The following SMNDC1 variants were observed in gnomAD, a reference collection of about 807,000 sequenced individuals.
The protein encoded by SMNDC1 is survival motor neuron domain containing 1.
In SMNDC1, 5 loss-of-function variants were observed where a neutral mutation model predicts 29.2. That is an observed-to-expected ratio of 0.17 (90% confidence interval 0.09 to 0.36). SMNDC1 has a LOEUF of 0.36. SMNDC1 is among the 10% of genes least tolerant of loss of function. SMNDC1 has a pLI of 1.00. For synonymous variants in SMNDC1, 80 were observed against 89.9 expected, an observed-to-expected ratio of 0.89 and a Z score of 0.62; for missense variants, 142 against 268.5, an observed-to-expected ratio of 0.53 and a Z score of 3.29.
In SMNDC1 at chr10:110,301,261, A is replaced by AG. The variant is rs374308996; in HGVS notation, c.120+2206dup. Among the ~76,000 whole-genome samples, 618 of 141,116 alleles carry AG rather than the reference A, an allele frequency of 4.4e-3. 6 individuals are homozygous for AG. Among genetic ancestry groups the AG allele is most frequent in the African/African-American group, 0.014 (554 of 40,910 alleles). The allele number at this position is 141,116 out of a possible 152,430, so 92.6% of individuals were successfully genotyped here. A position where few individuals can be genotyped will look rare whatever the true frequency, so the allele number is the denominator to read the frequency against. ...CAGAGAAGGAAAAAGGAGGGGAATG[A>AG]GGGGGGGAACCCCACAGCAAAATAG... On this transcript the variant is annotated intron_variant, in intron 2 of 5. Coordinates refer to ENST00000369603, the MANE Select transcript of SMNDC1 (RefSeq NM_005871.4).
chr10:110,292,300 A>ACTT lies in SMNDC1; in HGVS notation c.*1847_*1849dup. On this transcript the variant is annotated 3_prime_UTR_variant, in exon 6 of 6. Transcript: ENST00000369603. The stretch of plus-strand genomic sequence containing the variant: ...TTTCAAAACATTTTTTTTTAAGGTC[A>ACTT]CTTTTATTCTTTTTCTCTCTCCTAC... 2 of 151,858 alleles carry ACTT rather than the reference A, an allele frequency of 1.3e-5. No homozygotes were observed. The highest frequency in any genetic ancestry group is 4.2e-4 in the South Asian group (2 of 4,794). 9.4% of individuals were successfully genotyped at this position (151,858 alleles called of 1,614,324 possible). A position where few individuals can be genotyped will look rare whatever the true frequency, so the allele number is the denominator to read the frequency against.
chr10:110,303,376 G>C, intron 2 of SMNDC1, 92 bp downstream of exon 2: 1 of 1,147,612 alleles, frequency 8.7e-7, no homozygotes, highest in Middle Eastern at 3.0e-4. Context: ...ATAGGGTGGG[G>C]TGTAACCCCT....
chr10:110,304,888 A>T lies in SMNDC1; in HGVS notation c.-141T>A, dbSNP rs2134507183. On this transcript the variant is annotated 5_prime_UTR_variant, in exon 1 of 6. Coordinates refer to ENST00000369603, the MANE Select transcript of SMNDC1 (RefSeq NM_005871.4). ...AAGGCGACCCGGTCTGAAAAGGAAG[A>T]ACTCGGTCGGCGGCGAGGGGGAAGG... is the stretch of plus-strand genomic sequence containing the variant. The T allele has an allele frequency of 6.6e-6, 1 of 152,556 alleles. No individual in the cohort carries two copies. Among genetic ancestry groups the T allele is most frequent in the Admixed American group, 6.5e-5 (1 of 15,300 alleles). 9.5% of individuals were successfully genotyped at this position (152,556 alleles called of 1,614,324 possible). A position where few individuals can be genotyped will look rare whatever the true frequency, so the allele number is the denominator to read the frequency against.
intron 4 of SMNDC1, among the ~76,000 whole-genome samples, chr10:110,295,973 A>G (rs1001989542): frequency 1.3e-5 from 2 of 152,198 alleles, no homozygotes; most frequent in Non-Finnish European, 2.9e-5. Flanking sequence ...ACTTTTGTAT[A>G]GCTGTTACCA....
At chr10:110,296,973 G>A (rs1467866147) in intron 4 of SMNDC1, among the ~76,000 whole-genome samples, 2 of 152,152 alleles carry the variant, frequency 1.3e-5, no homozygotes. Flanking sequence ...TACAGATGAG[G>A]AAACAGAGTT....
At chr10:110,303,942 A>C (rs751270579) in intron 1 of SMNDC1, 5 of 190,160 alleles carry the variant, frequency 2.6e-5, no homozygotes, top group Non-Finnish European at 5.3e-5. Context: ...GGAAAAGTCG[A>C]AACTTTCAAA....
chr10:110,291,918 G>A lies in SMNDC1; in HGVS notation c.*2232C>T, dbSNP rs1857504153. 6.6e-6 allele frequency: 1 copy of A among 152,120 alleles called. No homozygotes were observed. Among genetic ancestry groups the A allele is most frequent in the African/African-American group, 2.4e-5 (1 of 41,398 alleles). 9.4% of individuals were successfully genotyped at this position (152,120 alleles called of 1,614,324 possible). ...AGTTACATGCAACCATTTCTACTTA[G>A]GGGCCCATAACTCAATATTTAACAT... On this transcript the variant is annotated 3_prime_UTR_variant, in exon 6 of 6. Transcript: ENST00000369603.
intron 4 of SMNDC1, 52 bp downstream of exon 4, chr10:110,297,505 ACTACTTCAAG>A (rs1857582324): frequency 1.4e-6 from 2 of 1,465,752 alleles, no homozygotes; most frequent in African/African-American, 1.4e-5. Context: ...CTCTCTGCAG[ACTACTTCAAG>A]TATCCAAATG....
chr10:110,301,567 C>T (rs775384740), intron 2 of SMNDC1, among the ~76,000 whole-genome samples: 11 of 152,188 alleles, frequency 7.2e-5, no homozygotes, highest in Admixed American at 3.9e-4. Flanking sequence ...ATGGTAGTCA[C>T]GTGTGGCTAA....
intron 1 of SMNDC1, 105 bp from the exon 2 acceptor site, chr10:110,303,692 C>G: frequency 9.7e-7 from 1 of 1,029,502 alleles, no homozygotes; most frequent in South Asian, 1.6e-5. Context: ...GCCTCTAACT[C>G]CTTCTAACAC....
Position 110,292,811 on chromosome 10 carries a change from C to T in SMNDC1, c.*1339G>A, listed in dbSNP as rs1037592936. The T allele has an allele frequency of 6.6e-6, 1 of 152,118 alleles. No individual in the cohort carries two copies. Among genetic ancestry groups the T allele is most frequent in the African/African-American group, 2.4e-5 (1 of 41,406 alleles). The allele number at this position is 152,118 out of a possible 1,614,324, so 9.4% of individuals were successfully genotyped here. A position where few individuals can be genotyped will look rare whatever the true frequency, so the allele number is the denominator to read the frequency against. ...TCATGAAATAAAAACTTATTTTCCCCTTCCACCAAAAATCTACAAACACCC... is the reference window on the plus strand; with the variant it reads ...TCATGAAATAAAAACTTATTTTCCCTTTCCACCAAAAATCTACAAACACCC... On this transcript the variant is annotated 3_prime_UTR_variant, in exon 6 of 6. Transcript: ENST00000369603.
chr10:110,292,599 C>CAT lies in SMNDC1; in HGVS notation c.*1550_*1551insAT, dbSNP rs1857511303. 2 of 152,108 alleles carry CAT rather than the reference C, an allele frequency of 1.3e-5. No individual in the cohort carries two copies. The highest frequency in any genetic ancestry group is 4.8e-5 in the African/African-American group (2 of 41,410). The allele number at this position is 152,108 out of a possible 1,614,324, so 9.4% of individuals were successfully genotyped here. A position where few individuals can be genotyped will look rare whatever the true frequency, so the allele number is the denominator to read the frequency against. On this transcript the variant is annotated 3_prime_UTR_variant, in exon 6 of 6. Transcript: ENST00000369603. ...AAAGTATATTTTATTTAGAAGTTTA[C>CAT]AGGCTTCAACAAACCCTTTTTCTAC...
Position 110,294,189 on chromosome 10 carries a change from A to T in SMNDC1, c.678T>A (p.Asp226Glu). The change falls in exon 6 of 6, where the codon GAT (aspartate) becomes GAA (glutamate). Residue 226 changes from aspartate (D) to glutamate (E), a missense_variant. This residue lies in a region of SMNDC1 where 54 missense variants were observed against 152.1 expected (regional missense o/e 0.36). Transcript: ENST00000369603. The stretch of plus-strand genomic sequence containing the variant: ...AATGCCTGACATTGTATTTAGAGGT[A>T]TCTTGATATTGTGTCATAGGTTTAT... ...IADKPMTQYQ[D>E]TSKYNVRHLM... 1 of 1,603,870 alleles carries T rather than the reference A, an allele frequency of 6.2e-7. No homozygotes were observed. Among genetic ancestry groups the T allele is most frequent in the Non-Finnish European group, 8.5e-7 (1 of 1,175,704 alleles).
chr10:110,303,852 C>T, intron 1 of SMNDC1: 2 of 372,482 alleles, frequency 5.4e-6, no homozygotes, highest in South Asian at 4.2e-5. Context: ...TTCTAATTTT[C>T]TTTTAACTCC....
At chr10:110,298,964 T>C (rs1413596185) in intron 2 of SMNDC1, among the ~76,000 whole-genome samples, 174 bp from the exon 3 acceptor site, 1 of 152,232 alleles carries the variant, frequency 6.6e-6, no homozygotes, top group Non-Finnish European at 1.5e-5. Context: ...TGATACAGTA[T>C]TGTCTACCAG....
chr10:110,299,716 CA>C (rs2134502536), intron 2 of SMNDC1, among the ~76,000 whole-genome samples: 1 of 152,236 alleles, frequency 6.6e-6, no homozygotes, highest in African/African-American at 2.4e-5. Flanking sequence ...GAAAAATTAA[CA>C]AAGTTAAACT....
chr10:110,294,427 A>C (rs1231099900), intron 5 of SMNDC1, 140 bp from the exon 6 acceptor site: 8 of 690,920 alleles, frequency 1.2e-5, no homozygotes, highest in Non-Finnish European at 1.6e-5. Flanking sequence ...AGTGTTAAAA[A>C]ATGGGTACAG....
At chr10:110,297,889 G>C (rs1857589416) in intron 3 of SMNDC1, 161 bp from the exon 4 acceptor site, 1 of 620,166 alleles carries the variant, frequency 1.6e-6, no homozygotes, top group Admixed American at 3.6e-5. Context: ...GTTGAAGTTA[G>C]TTATCTGCTA....
At chr10:110,300,269 T>C (rs973205044) in intron 2 of SMNDC1, among the ~76,000 whole-genome samples, 7 of 152,202 alleles carry the variant, frequency 4.6e-5, no homozygotes, top group Non-Finnish European at 1.0e-4. Flanking sequence ...CAGAACTGTT[T>C]TCCAAATATA....
Sources: gnomAD v4.1 joint callset for allele counts (sites outside exome capture counted in the v4.1 genomes callset) on GRCh38, gnomAD v4.1.1 for gene constraint, gnomAD v4.1.1 regional missense constraint, MANE v1.5 for transcripts, NCBI Gene and HGNC (gene_info 2026-07-23, HGNC 2026-07-21) for gene names.